MAF: variants seen among roughly 807,000 people sequenced by gnomAD.
The protein encoded by MAF is transcription factor Maf.
A neutral mutation model predicts 22.0 loss-of-function variants in MAF; 10 were observed. That is an observed-to-expected ratio of 0.45 (90% confidence interval 0.28 to 0.77). MAF has a LOEUF of 0.77. Ranked by LOEUF, MAF falls within the 30% of genes least tolerant of loss-of-function variation. The pLI, the probability that MAF is intolerant of heterozygous loss-of-function variation, is 0.12. For synonymous variants in MAF, 337 were observed against 255.8 expected (o/e 1.32, Z -3.03); for missense variants, 544 against 548.4 (o/e 0.99, Z 0.08).
At chr16:79,541,410 T>C in the MAF span, among the ~76,000 whole-genome samples, 1 of 151,902 alleles carries the variant, frequency 6.6e-6, no homozygotes, top group Non-Finnish European at 1.5e-5. Flanking sequence ...TGCGCAGGGC[T>C]GAAGGAGCCT....
chr16:79,290,535 G>C, the MAF span, among the ~76,000 whole-genome samples: 1 of 152,108 alleles, frequency 6.6e-6, no homozygotes, highest in Non-Finnish European at 1.5e-5. Context: ...TGTCCCAAGA[G>C]CCTGTGTGCT....
At chr16:79,321,036 T>C in the MAF span, among the ~76,000 whole-genome samples, 5 of 152,186 alleles carry the variant, frequency 3.3e-5, no homozygotes, top group Non-Finnish European at 5.9e-5. Flanking sequence ...TCTCGATCTC[T>C]TTTGCTCACT....
At chr16:79,219,487 C>T in the MAF span, among the ~76,000 whole-genome samples, 1 of 143,264 alleles carries the variant, frequency 7.0e-6, no homozygotes, top group Non-Finnish European at 1.5e-5. Context: ...GGGGGCGGAG[C>T]CTAAAGTGAG....
downstream of MAF, among the ~76,000 whole-genome samples, chr16:79,584,899 G>GA (rs1912745939): frequency 6.6e-6 from 1 of 152,108 alleles, no homozygotes; most frequent in Non-Finnish European, 1.5e-5. Context: ...TAAAAAGTGG[G>GA]AAAAAATGAG....
the MAF span, among the ~76,000 whole-genome samples, chr16:79,579,577 G>A: frequency 1.3e-5 from 2 of 152,178 alleles, no homozygotes; most frequent in East Asian, 1.9e-4. Context: ...AGGAAAAAGG[G>A]AAAGAAAAGA....
the MAF span, among the ~76,000 whole-genome samples, chr16:79,225,055 G>C: frequency 6.6e-6 from 1 of 152,108 alleles, no homozygotes; most frequent in East Asian, 1.9e-4. Context: ...ACATAGCCAA[G>C]ACAATCCAAA....
chr16:79,404,177 T>G, the MAF span, among the ~76,000 whole-genome samples: 3 of 150,618 alleles, frequency 2.0e-5, no homozygotes, highest in Non-Finnish European at 4.4e-5. Flanking sequence ...TTTTTTTTTT[T>G]TTTTTCAGAT....
At chr16:79,521,372 G>A in the MAF span, among the ~76,000 whole-genome samples, 1 of 152,198 alleles carries the variant, frequency 6.6e-6, no homozygotes, top group African/African-American at 2.4e-5. Flanking sequence ...ATAGCACATT[G>A]ATCTTTAAAA....
the MAF span, among the ~76,000 whole-genome samples, chr16:79,210,299 C>G: frequency 2.6e-5 from 4 of 152,176 alleles, no homozygotes; most frequent in African/African-American, 7.2e-5. Flanking sequence ...GTCGTAACAC[C>G]TTCCTTGGGA....
At chr16:79,435,860 G>A in the MAF span, among the ~76,000 whole-genome samples, 2 of 152,202 alleles carry the variant, frequency 1.3e-5, no homozygotes, top group South Asian at 2.1e-4. Context: ...CAGGGACTCA[G>A]AGAGGAGTCT....
chr16:79,521,648 G>T, the MAF span, among the ~76,000 whole-genome samples: 1 of 152,044 alleles, frequency 6.6e-6, no homozygotes, highest in African/African-American at 2.4e-5. Flanking sequence ...CAAAGTCCAC[G>T]CATCACGCAG....
the MAF span, among the ~76,000 whole-genome samples, chr16:79,509,187 C>T: frequency 5.9e-5 from 9 of 152,130 alleles, no homozygotes; most frequent in African/African-American, 1.7e-4. Flanking sequence ...ATCTCCGAGG[C>T]GTGGTAGCAA....
chr16:79,283,580 A>T, the MAF span, among the ~76,000 whole-genome samples: 5 of 152,216 alleles, frequency 3.3e-5, no homozygotes, highest in Admixed American at 6.5e-5. Flanking sequence ...GATTAAAAAG[A>T]TCTCTTAAAA....
the MAF span, among the ~76,000 whole-genome samples, chr16:79,234,422 C>G: frequency 3.3e-5 from 5 of 152,132 alleles, no homozygotes; most frequent in Non-Finnish European, 5.9e-5. Context: ...ATAGAGTGTT[C>G]ATTGTCAATT....
the MAF span, among the ~76,000 whole-genome samples, chr16:79,518,989 T>A: frequency 6.6e-6 from 1 of 152,350 alleles, no homozygotes; most frequent in African/African-American, 2.4e-5. Flanking sequence ...ACTCTATTAC[T>A]TACACAAGAA....
At chr16:79,286,749 C>T in the MAF span, among the ~76,000 whole-genome samples, 11 of 152,208 alleles carry the variant, frequency 7.2e-5, no homozygotes, top group South Asian at 2.1e-4. Context: ...AATGCCCACA[C>T]GTCCACCCGT....
the MAF span, among the ~76,000 whole-genome samples, chr16:79,272,525 C>T: frequency 2.6e-5 from 4 of 152,196 alleles, no homozygotes; most frequent in Non-Finnish European, 4.4e-5. Context: ...ACCACAGCGC[C>T]GCTCCATGCG....
the MAF span, among the ~76,000 whole-genome samples, chr16:79,249,862 A>T: frequency 0.13 from 19,060 of 151,654 alleles, 1,441 homozygotes; most frequent in Middle Eastern, 0.19. Flanking sequence ...ATATTCCTTG[A>T]GTCTGTAACA....
the MAF span, among the ~76,000 whole-genome samples, chr16:79,463,272 C>G: frequency 1.9e-4 from 29 of 152,280 alleles, no homozygotes; most frequent in Admixed American, 1.9e-3. Flanking sequence ...GCTTTCACCC[C>G]CACACACCAT....
Sources: gnomAD v4.1 joint callset for allele counts (sites outside exome capture counted in the v4.1 genomes callset) on GRCh38, gnomAD v4.1.1 for gene constraint, MANE v1.5 for transcripts, NCBI Gene and HGNC (gene_info 2026-07-23, HGNC 2026-07-21) for gene names.